WWP1: variants seen among roughly 807,000 people sequenced by gnomAD.
WWP1 encodes the protein WW domain containing E3 ubiquitin protein ligase 1, also known as NEDD4-like E3 ubiquitin-protein ligase WWP1.
A neutral mutation model predicts 130.6 loss-of-function variants in WWP1; 49 were observed. That is an observed-to-expected ratio of 0.38 (90% confidence interval 0.30 to 0.48). The LOEUF is 0.48. Among genes scored for constraint, WWP1 ranks in the 20% least tolerant of loss-of-function variants. The pLI is 0.99. For synonymous variants in WWP1, 332 were observed against 367.8 expected (o/e 0.90, Z 1.11); for missense variants, 809 against 1,100.6 (o/e 0.74, Z 3.75).
intron 5 of WWP1, among the ~76,000 whole-genome samples, chr8:86,393,881 A>G (rs1350391934): frequency 6.6e-6 from 1 of 152,206 alleles, no homozygotes; most frequent in African/African-American, 2.4e-5. Context: ...GATGGTGTAC[A>G]AACTCTGAGA....
intron 3 of WWP1, among the ~76,000 whole-genome samples, chr8:86,375,341 T>G (rs1563476928): frequency 6.6e-6 from 1 of 152,166 alleles, no homozygotes; most frequent in Non-Finnish European, 1.5e-5. Context: ...TGTAAGACAT[T>G]TACATAGTCC....
At chr8:86,414,383 T>A (rs549284195) in intron 9 of WWP1, among the ~76,000 whole-genome samples, 1 of 152,138 alleles carries the variant, frequency 6.6e-6, no homozygotes, top group South Asian at 2.1e-4. Context: ...AGGGGAGAAA[T>A]TAAGAGAGCC....
At chr8:86,353,148 C>T (rs953656798) in intron 1 of WWP1, among the ~76,000 whole-genome samples, 11 of 152,046 alleles carry the variant, frequency 7.2e-5, no homozygotes, top group Non-Finnish European at 1.2e-4. Flanking sequence ...AGGGTAAGGG[C>T]GTTGACTTGG....
chr8:86,376,903 T>C (rs2130335892), intron 3 of WWP1, among the ~76,000 whole-genome samples: 1 of 152,292 alleles, frequency 6.6e-6, no homozygotes, highest in South Asian at 2.1e-4. Flanking sequence ...AAAGTCACCT[T>C]AAAATTACCA....
At chr8:86,367,750 G>T (rs537563368) in intron 1 of WWP1, among the ~76,000 whole-genome samples, 13 of 152,204 alleles carry the variant, frequency 8.5e-5, no homozygotes, top group African/African-American at 3.1e-4. Context: ...TAGTTTTTCT[G>T]TCTTCTCATA....
At chr8:86,398,671 A>G in intron 7 of WWP1, 33 bp downstream of exon 7, 3 of 1,601,456 alleles carry the variant, frequency 1.9e-6, no homozygotes, top group Non-Finnish European at 1.7e-6. Flanking sequence ...GGGTGGCGAC[A>G]TGATGTGGAA....
chr8:86,388,331 G>A (rs1586323896), intron 5 of WWP1, among the ~76,000 whole-genome samples: 2 of 151,382 alleles, frequency 1.3e-5, no homozygotes, highest in African/African-American at 4.9e-5. Flanking sequence ...CCTAGTGTAC[G>A]GTAGCCTCCA....
At chr8:86,440,673 T>A in intron 17 of WWP1, 1 of 455,348 alleles carries the variant, frequency 2.2e-6, no homozygotes, top group Non-Finnish European at 4.4e-6. Flanking sequence ...TCTTCTATTA[T>A]GTCTTTGAAT....
At chr8:86,411,951 A>G (rs1015114961) in intron 9 of WWP1, 77 bp downstream of exon 9, 3 of 1,334,282 alleles carry the variant, frequency 2.2e-6, no homozygotes, top group African/African-American at 2.9e-5. Context: ...ATGTGTGCAT[A>G]AAATGTTTTC....
At chr8:86,427,546 A>G (rs759274687) in intron 10 of WWP1, 97 bp from the exon 11 acceptor site, 16 of 1,270,212 alleles carry the variant, frequency 1.3e-5, no homozygotes, top group Non-Finnish European at 1.7e-5. Context: ...TTATTTTAAC[A>G]TGTCTTGAAC....
intron 3 of WWP1, among the ~76,000 whole-genome samples, chr8:86,378,184 A>G (rs549083723): frequency 1.3e-5 from 2 of 152,238 alleles, no homozygotes; most frequent in Non-Finnish European, 2.9e-5. Context: ...TTGAATATTT[A>G]AGTCTCCCTT....
At chr8:86,381,232 T>C (rs1421617937) in intron 4 of WWP1, among the ~76,000 whole-genome samples, 1 of 152,214 alleles carries the variant, frequency 6.6e-6, no homozygotes, top group Non-Finnish European at 1.5e-5. Context: ...ACAGTGTTAC[T>C]ATGAAGTCTC....
At chr8:86,351,179 G>C (rs1822895493) in intron 1 of WWP1, among the ~76,000 whole-genome samples, 1 of 152,204 alleles carries the variant, frequency 6.6e-6, no homozygotes, top group East Asian at 1.9e-4. Flanking sequence ...AAGCATGGTG[G>C]CTAGAACGTA....
intron 2 of WWP1, among the ~76,000 whole-genome samples, chr8:86,369,775 G>T (rs181792925): frequency 1.2e-3 from 179 of 151,928 alleles, no homozygotes; most frequent in South Asian, 3.5e-3. Context: ...CTTTTTCTTG[G>T]AAGACTAAAT....
At chr8:86,434,661 T>C (rs1810188700) in intron 14 of WWP1, among the ~76,000 whole-genome samples, 1 of 152,190 alleles carries the variant, frequency 6.6e-6, no homozygotes, top group Admixed American at 6.5e-5. Flanking sequence ...TTTTGTCTTA[T>C]CTCCTTCACT....
chr8:86,460,543 A>G (rs971127124), intron 22 of WWP1, among the ~76,000 whole-genome samples: 3 of 152,164 alleles, frequency 2.0e-5, no homozygotes, highest in Non-Finnish European at 4.4e-5. Context: ...GGAACCCTTA[A>G]TAGCTATTAT....
intron 9 of WWP1, among the ~76,000 whole-genome samples, chr8:86,415,636 C>T (rs574316842): frequency 3.5e-4 from 53 of 152,274 alleles, no homozygotes; most frequent in African/African-American, 1.2e-3. Context: ...TATCGAGATA[C>T]AGAACATTAA....
At chr8:86,461,666 ATTT>A (rs1325635029) in intron 23 of WWP1, 105 bp from the exon 24 acceptor site, 1 of 892,306 alleles carries the variant, frequency 1.1e-6, no homozygotes, top group Non-Finnish European at 1.8e-6. Flanking sequence ...GAATTTCTTT[ATTT>A]TGTATCATTC....
At chr8:86,466,610 GA>G (rs1812169059) in intron 24 of WWP1, among the ~76,000 whole-genome samples, 183 bp from the exon 25 acceptor site, 1 of 151,432 alleles carries the variant, frequency 6.6e-6, no homozygotes, top group Non-Finnish European at 1.5e-5. Context: ...TTTCCTCTTG[GA>G]GATGTTAAAA....
Sources: gnomAD v4.1 joint callset for allele counts (sites outside exome capture counted in the v4.1 genomes callset) on GRCh38, gnomAD v4.1.1 for gene constraint, MANE v1.5 for transcripts, NCBI Gene and HGNC (gene_info 2026-07-23, HGNC 2026-07-21) for gene names.